ALK: variants seen among roughly 807,000 people sequenced by gnomAD.
ALK encodes ALK receptor tyrosine kinase, also known as ALK tyrosine kinase receptor.
ALK carries 74 observed loss-of-function variants against 163.1 expected under a neutral mutation model. That is an observed-to-expected ratio of 0.45 (90% CI 0.38 to 0.55). ALK has a LOEUF of 0.55. ALK is among the 20% of genes least tolerant of loss of function. The pLI is 0.00. For synonymous variants in ALK, 960 were observed against 843.2 expected (o/e 1.14, Z -2.40); for missense variants, 2,063 against 2,105.3 (o/e 0.98, Z 0.39).
intron 3 of ALK, among the ~76,000 whole-genome samples, chr2:29,689,420 G>C (rs1268781890): frequency 6.6e-6 from 1 of 152,146 alleles, no homozygotes; most frequent in African/African-American, 2.4e-5. Flanking sequence ...GCTACTCCTG[G>C]GATACAGTTC....
At chr2:29,550,131 G>T (rs1317578917) in intron 3 of ALK, among the ~76,000 whole-genome samples, 3 of 152,086 alleles carry the variant, frequency 2.0e-5, no homozygotes, top group African/African-American at 7.2e-5. Context: ...AATAATAATG[G>T]CTAATGCTTA....
chr2:29,272,343 C>T (rs1665415105), intron 11 of ALK, among the ~76,000 whole-genome samples: 2 of 152,226 alleles, frequency 1.3e-5, no homozygotes, highest in Non-Finnish European at 2.9e-5. Flanking sequence ...GCATCTTCAT[C>T]TGATTAGCTA....
At chr2:29,462,630 T>C (rs1255780282) in intron 4 of ALK, among the ~76,000 whole-genome samples, 1 of 152,238 alleles carries the variant, frequency 6.6e-6, no homozygotes, top group Non-Finnish European at 1.5e-5. Context: ...AAAACTCATA[T>C]GCACTGGAAA....
In ALK at chr2:29,239,597, G is replaced by A. The variant is rs560133801; in HGVS notation, c.2355+83C>T. Reference sequence around the variant, plus strand: ...CTCCTGGTATGAACTTCCAGGAGGAGGGTGTTGAGTGTTGGTGCCTCCAAG... The same window carrying A: ...CTCCTGGTATGAACTTCCAGGAGGAAGGTGTTGAGTGTTGGTGCCTCCAAG... On this transcript the variant is annotated intron_variant, in intron 13 of 28. Transcript: ENST00000389048. 68 of 1,516,022 alleles carry A rather than the reference G, an allele frequency of 4.5e-5. No individual in the cohort carries two copies. In the African/African-American group the frequency reaches 7.0e-4, roughly 16 times the overall value. The allele number at this position is 1,516,022 out of a possible 1,614,324, so 93.9% of individuals were successfully genotyped here. A position where few individuals can be genotyped will look rare whatever the true frequency, so the allele number is the denominator to read the frequency against.
intron 1 of ALK, among the ~76,000 whole-genome samples, chr2:29,765,078 A>T (rs558757898): frequency 6.6e-6 from 1 of 152,142 alleles, no homozygotes; most frequent in Non-Finnish European, 1.5e-5. Flanking sequence ...TGCTATGATT[A>T]TAAGTTTCCT....
chr2:29,207,815 T>G (rs145706552), intron 25 of ALK, among the ~76,000 whole-genome samples: 21 of 151,904 alleles, frequency 1.4e-4, no homozygotes, highest in African/African-American at 5.1e-4. Context: ...AGGTGTGGAG[T>G]TGGCTTACAA....
At chr2:29,785,232 G>A (rs1663977062) in intron 1 of ALK, among the ~76,000 whole-genome samples, 1 of 152,016 alleles carries the variant, frequency 6.6e-6, no homozygotes, top group Non-Finnish European at 1.5e-5. Flanking sequence ...GACACAAGCA[G>A]AGGACAGTTC....
chr2:29,651,472 C>T (rs1022810874), intron 3 of ALK, among the ~76,000 whole-genome samples: 4 of 152,096 alleles, frequency 2.6e-5, no homozygotes, highest in Admixed American at 2.6e-4. Context: ...ACCCTTAATG[C>T]ATTGGTTATA....
At chr2:29,297,197 C>G in intron 8 of ALK, 140 bp from the exon 9 acceptor site, 1 of 861,278 alleles carries the variant, frequency 1.2e-6, no homozygotes, top group Non-Finnish European at 1.9e-6. Context: ...TGCCCACCAC[C>G]TGTCTCACCA....
At chr2:29,270,304 G>A (rs1337892198) in intron 11 of ALK, among the ~76,000 whole-genome samples, 4 of 152,160 alleles carry the variant, frequency 2.6e-5, no homozygotes, top group African/African-American at 4.8e-5. Context: ...GTCTAACTTA[G>A]TGCAAGTTAG....
At chr2:29,533,501 T>C (rs1395768184) in intron 3 of ALK, among the ~76,000 whole-genome samples, 1 of 151,708 alleles carries the variant, frequency 6.6e-6, no homozygotes. Context: ...TCTCCTTGTT[T>C]CTTTTTCACT....
At chr2:29,475,440 G>A (rs984977623) in intron 4 of ALK, among the ~76,000 whole-genome samples, 1 of 152,232 alleles carries the variant, frequency 6.6e-6, no homozygotes, top group African/African-American at 2.4e-5. Context: ...CGCCTCTCCC[G>A]CCATCTTTTC....
At chr2:29,637,516 C>A (rs1353096479) in intron 3 of ALK, among the ~76,000 whole-genome samples, 2 of 152,024 alleles carry the variant, frequency 1.3e-5, no homozygotes, top group Non-Finnish European at 2.9e-5. Context: ...CGAGGCCAGC[C>A]TGGCCAACAT....
chr2:29,582,467 A>G (rs771595179), intron 3 of ALK, among the ~76,000 whole-genome samples: 2 of 152,214 alleles, frequency 1.3e-5, no homozygotes, highest in Non-Finnish European at 2.9e-5. Context: ...GGATTGGGTG[A>G]GTGCCATGGA....
At chr2:29,796,083 G>A (rs1482016087) in intron 1 of ALK, among the ~76,000 whole-genome samples, 1 of 152,074 alleles carries the variant, frequency 6.6e-6, no homozygotes, top group East Asian at 1.9e-4. Flanking sequence ...TATCCTTATG[G>A]TCAAATGAGA....
At chr2:29,755,525 T>A (rs1169147035) in intron 1 of ALK, among the ~76,000 whole-genome samples, 1 of 152,182 alleles carries the variant, frequency 6.6e-6, no homozygotes, top group African/African-American at 2.4e-5. Flanking sequence ...TAGCTTCAAG[T>A]CTTCCTTCTC....
chr2:29,708,887 C>T (rs72786220), intron 2 of ALK, among the ~76,000 whole-genome samples: 3 of 152,120 alleles, frequency 2.0e-5, no homozygotes, highest in African/African-American at 4.8e-5. Context: ...TTCTCATAGA[C>T]CAAATTATTC....
At chr2:29,710,499 C>CGT (rs55939983) in intron 2 of ALK, among the ~76,000 whole-genome samples, 20,868 of 144,424 alleles carry the variant, frequency 0.14, 1,663 homozygotes, top group East Asian at 0.28. Flanking sequence ...AGTCTGTGTG[C>CGT]GTGTGTGTGT....
At chr2:29,770,822 C>T (rs142629569) in intron 1 of ALK, among the ~76,000 whole-genome samples, 1 of 152,002 alleles carries the variant, frequency 6.6e-6, no homozygotes, top group African/African-American at 2.4e-5. Flanking sequence ...AATGAGAGTG[C>T]CAGAAAGAGA....
Sources: allele counts gnomAD v4.1 joint callset (sites outside exome capture counted in the v4.1 genomes callset), GRCh38; gene constraint gnomAD v4.1.1; transcripts MANE v1.5; gene names NCBI Gene and HGNC (gene_info 2026-07-23, HGNC 2026-07-21).